DPP6: variants seen among roughly 807,000 people sequenced by gnomAD.
DPP6 encodes the protein dipeptidyl peptidase like 6, also known as A-type potassium channel modulatory protein DPP6.
In DPP6, 69 loss-of-function variants were observed where a neutral mutation model predicts 122.6. That is an observed-to-expected ratio of 0.56 (90% CI 0.46 to 0.69). The LOEUF is 0.69. DPP6 is among the 30% of genes least tolerant of loss of function. The probability of loss-of-function intolerance (pLI) is 0.00; values close to 1 mark genes in which losing one functional copy is unlikely to be tolerated. For missense variants in DPP6, 928 were observed against 1,116.9 expected (o/e 0.83, Z 2.41); for synonymous variants, 418 against 433.1 (o/e 0.97, Z 0.43).
At chr7:154,735,206 T>G (rs1328252923) in intron 8 of DPP6, among the ~76,000 whole-genome samples, 1 of 152,252 alleles carries the variant, frequency 6.6e-6, no homozygotes, top group African/African-American at 2.4e-5. Context: ...AAGAGCCTTC[T>G]GTCCACGTTT....
At chr7:154,867,465 C>A (rs1286320746) in intron 17 of DPP6, among the ~76,000 whole-genome samples, 1 of 152,238 alleles carries the variant, frequency 6.6e-6, no homozygotes, top group Non-Finnish European at 1.5e-5. Flanking sequence ...CCACTGTCCA[C>A]AAATACAGTC....
chr7:154,091,918 C>T (rs1804880222), intron 1 of DPP6, among the ~76,000 whole-genome samples: 2 of 152,324 alleles, frequency 1.3e-5, no homozygotes, highest in South Asian at 4.1e-4. Flanking sequence ...ACATCAGTTC[C>T]ATCTAGGACG....
chr7:154,582,441 G>C (rs989799151), intron 5 of DPP6, among the ~76,000 whole-genome samples: 2 of 152,186 alleles, frequency 1.3e-5, no homozygotes, highest in African/African-American at 4.8e-5. Flanking sequence ...TCTCCTCCTT[G>C]GACAGTGGAA....
chr7:153,890,103 G>A lies in DPP6; in HGVS notation c.51+2369G>A, dbSNP rs145786239. 1.3e-3 allele frequency among the ~76,000 whole-genome samples: 199 copies of A among 152,314 alleles called. 2 individuals are homozygous for A. Among genetic ancestry groups the A allele is most frequent in the African/African-American group, 4.2e-3 (175 of 41,550 alleles). ...GGTGATATTTTACATTCAAGATGAG[G>A]ACTGAATGATTTACTCCTATTACTG... On this transcript the variant is annotated intron_variant, in intron 1 of 25. Coordinates refer to the DPP6 transcript ENST00000404039.
intron 8 of DPP6, among the ~76,000 whole-genome samples, chr7:154,746,185 G>C (rs1306401495): frequency 6.6e-6 from 1 of 152,176 alleles, no homozygotes; most frequent in Non-Finnish European, 1.5e-5. Context: ...TCTTTGTGGG[G>C]AGACATGTCA....
intron 4 of DPP6, among the ~76,000 whole-genome samples, chr7:154,566,220 A>T (rs1830735650): frequency 6.6e-6 from 1 of 152,188 alleles, no homozygotes; most frequent in South Asian, 2.1e-4. Context: ...ACATATCAAG[A>T]GGTTGAGAGT....
intron 1 of DPP6, among the ~76,000 whole-genome samples, chr7:154,018,667 A>G (rs1798546475): frequency 6.6e-6 from 1 of 152,250 alleles, no homozygotes; most frequent in South Asian, 2.1e-4. Flanking sequence ...TGTGATATTA[A>G]AAGAAGCATT....
intron 1 of DPP6, among the ~76,000 whole-genome samples, chr7:154,411,086 C>G (rs1157674544): frequency 6.6e-6 from 1 of 152,168 alleles, no homozygotes; most frequent in Non-Finnish European, 1.5e-5. Context: ...ACATCCGTCT[C>G]CACCTTTGCT....
chr7:153,821,951 C>T, the DPP6 span, among the ~76,000 whole-genome samples: 2 of 152,064 alleles, frequency 1.3e-5, no homozygotes, highest in African/African-American at 4.8e-5. Flanking sequence ...AGCTGGGGAC[C>T]TACAGCGCAA....
intron 1 of DPP6, among the ~76,000 whole-genome samples, chr7:154,330,488 C>T (rs1012075961): frequency 4.6e-5 from 7 of 152,110 alleles, no homozygotes; most frequent in South Asian, 4.1e-4. Context: ...AAAAGATGAG[C>T]GTGATATGAT....
chr7:154,045,320 G>A (rs397833639), intron 1 of DPP6, among the ~76,000 whole-genome samples: 6 of 151,968 alleles, frequency 3.9e-5, no homozygotes, highest in African/African-American at 1.5e-4. Context: ...TGTTATCTGA[G>A]ACCTGAGCAA....
chr7:154,871,530 C>A (rs1051978413), intron 18 of DPP6, among the ~76,000 whole-genome samples: 1 of 152,100 alleles, frequency 6.6e-6, no homozygotes, highest in Non-Finnish European at 1.5e-5. Context: ...AGAAGGGCTC[C>A]CCTGAAATGT....
At chr7:153,951,548 TC>T (rs1182566824) in intron 1 of DPP6, among the ~76,000 whole-genome samples, 1 of 152,126 alleles carries the variant, frequency 6.6e-6, no homozygotes, top group Non-Finnish European at 1.5e-5. Flanking sequence ...TCTGGATCCC[TC>T]CCCCTGGCAG....
chr7:154,033,742 A>G (rs1384622983), intron 1 of DPP6, among the ~76,000 whole-genome samples: 4 of 152,200 alleles, frequency 2.6e-5, no homozygotes, highest in Non-Finnish European at 4.4e-5. Flanking sequence ...CTTCACAATC[A>G]CAGTTCTTGT....
intron 2 of DPP6, among the ~76,000 whole-genome samples, chr7:154,453,636 C>A (rs1042229233): frequency 2.0e-5 from 3 of 151,812 alleles, no homozygotes; most frequent in Admixed American, 6.6e-5. Context: ...ATTCTGTAAT[C>A]AGCATCCAGG....
At chr7:154,498,175 T>C (rs781422596) in intron 3 of DPP6, among the ~76,000 whole-genome samples, 10 of 152,104 alleles carry the variant, frequency 6.6e-5, no homozygotes, top group Non-Finnish European at 1.0e-4. Flanking sequence ...TTTTGAAAAG[T>C]CTAAGCTTAG....
chr7:154,622,496 T>G (rs1360270857), intron 5 of DPP6, among the ~76,000 whole-genome samples: 3 of 152,178 alleles, frequency 2.0e-5, no homozygotes, highest in Non-Finnish European at 4.4e-5. Context: ...CCACTGGCTT[T>G]TTAGAATTAC....
chr7:154,200,500 G>T (rs548820959), intron 1 of DPP6, among the ~76,000 whole-genome samples: 1 of 152,038 alleles, frequency 6.6e-6, no homozygotes, highest in Non-Finnish European at 1.5e-5. Flanking sequence ...ACACTGAGCC[G>T]CTGGGGAAAA....
At chr7:154,649,027 C>A (rs1174973320) in intron 6 of DPP6, among the ~76,000 whole-genome samples, 1 of 152,170 alleles carries the variant, frequency 6.6e-6, no homozygotes, top group Non-Finnish European at 1.5e-5. Context: ...GGCAGTCCCA[C>A]CTGCCCAGAG....
Sources: gnomAD v4.1 joint callset for allele counts (sites outside exome capture counted in the v4.1 genomes callset) on GRCh38, gnomAD v4.1.1 for gene constraint, MANE v1.5 for transcripts, NCBI Gene and HGNC (gene_info 2026-07-23, HGNC 2026-07-21) for gene names.